Variants in GRM8 observed in about 807,000 individuals in gnomAD.
GRM8 encodes the protein metabotropic glutamate receptor 8.
GRM8 carries 47 observed loss-of-function variants against 87.2 expected under a neutral mutation model. The observed-to-expected ratio is 0.54, with a 90% CI of 0.43 to 0.69. GRM8 has a LOEUF of 0.69. GRM8 is among the 30% of genes least tolerant of loss of function. GRM8 has a pLI of 0.00. For missense variants in GRM8, 1,019 were observed against 1,139.2 expected (o/e 0.89, Z 1.52); for synonymous variants, 396 against 404.5 (o/e 0.98, Z 0.25).
chr7:126,705,924 G>T (rs1810467524), intron 7 of GRM8, among the ~76,000 whole-genome samples: 1 of 152,000 alleles, frequency 6.6e-6, no homozygotes, highest in Admixed American at 6.6e-5. Context: ...GTTATGGGCT[G>T]TCTGGTTTGT....
chr7:126,510,227 T>C (rs996571904), intron 9 of GRM8, among the ~76,000 whole-genome samples: 1 of 149,192 alleles, frequency 6.7e-6, no homozygotes, highest in Admixed American at 6.7e-5. Context: ...TAAAAAAGTA[T>C]ACAAATGACA....
intron 9 of GRM8, among the ~76,000 whole-genome samples, chr7:126,472,858 G>A (rs1003034060): frequency 6.6e-6 from 1 of 152,196 alleles, no homozygotes; most frequent in Non-Finnish European, 1.5e-5. Context: ...AGGGTCCAAT[G>A]TACAGCTCAG....
chr7:126,837,502 T>A (rs1278999780), intron 6 of GRM8, among the ~76,000 whole-genome samples: 1 of 152,202 alleles, frequency 6.6e-6, no homozygotes, highest in Non-Finnish European at 1.5e-5. Context: ...CATTCATGAG[T>A]GGACTTACTG....
intron 3 of GRM8, among the ~76,000 whole-genome samples, chr7:126,983,432 C>T (rs1020810653): frequency 6.6e-6 from 1 of 152,088 alleles, no homozygotes; most frequent in Non-Finnish European, 1.5e-5. Context: ...TACGGTACTG[C>T]TTTTCCCATA....
chr7:126,792,652 C>G (rs897092818), intron 6 of GRM8, among the ~76,000 whole-genome samples: 1 of 152,196 alleles, frequency 6.6e-6, no homozygotes, highest in African/African-American at 2.4e-5. Flanking sequence ...TCTACAGTTC[C>G]AGAAAATAAA....
At chr7:126,841,018 A>G in intron 6 of GRM8, among the ~76,000 whole-genome samples, 1 of 152,274 alleles carries the variant, frequency 6.6e-6, no homozygotes, top group East Asian at 1.9e-4. Context: ...AGAATAATGC[A>G]TGCATTGGCA....
chr7:126,823,191 C>T lies in GRM8; in HGVS notation c.1157-53126G>A, dbSNP rs1454973439. On this transcript the variant is annotated intron_variant, in intron 6 of 10. Coordinates refer to ENST00000339582, the MANE Select transcript of GRM8 (RefSeq NM_000845.3). ...TGATAGTCACATCATATAACTGACA[C>T]ATAAGCTGACCACAAAAGAAAAGCT... Among the ~76,000 whole-genome samples, 3 of 152,210 alleles carry T rather than the reference C, an allele frequency of 2.0e-5. No homozygotes were observed. In the East Asian group the frequency reaches 5.8e-4, roughly 29 times the overall value.
intron 9 of GRM8, among the ~76,000 whole-genome samples, chr7:126,505,307 AC>A (rs1810282309): frequency 6.6e-6 from 1 of 152,060 alleles, no homozygotes; most frequent in Admixed American, 6.6e-5. Flanking sequence ...CCAAGTTAAT[AC>A]CTTAAGTATC....
At chr7:126,469,089 A>C (rs1399469619) in intron 9 of GRM8, among the ~76,000 whole-genome samples, 1 of 152,096 alleles carries the variant, frequency 6.6e-6, no homozygotes, top group Non-Finnish European at 1.5e-5. Flanking sequence ...CTTGTGCATA[A>C]GTTCCCATCT....
chr7:126,498,832 G>T (rs376240860), intron 9 of GRM8, among the ~76,000 whole-genome samples: 15 of 151,844 alleles, frequency 9.9e-5, no homozygotes, highest in African/African-American at 3.1e-4. Context: ...TTGATTATGG[G>T]TCATAAATTA....
intron 9 of GRM8, among the ~76,000 whole-genome samples, chr7:126,510,338 T>C (rs1584883889): frequency 1.3e-5 from 2 of 151,752 alleles, no homozygotes; most frequent in Middle Eastern, 3.4e-3. Context: ...AGAGTTGATA[T>C]GGCTTCCAAA....
At chr7:127,082,504 C>A (rs192741455) in intron 3 of GRM8, among the ~76,000 whole-genome samples, 629 of 152,236 alleles carry the variant, frequency 4.1e-3, no homozygotes, top group Non-Finnish European at 6.4e-3. Flanking sequence ...TCAATGATAC[C>A]AGGAAATAAT....
At chr7:126,841,326 C>T (rs1029542852) in intron 6 of GRM8, among the ~76,000 whole-genome samples, 1 of 152,092 alleles carries the variant, frequency 6.6e-6, no homozygotes, top group Non-Finnish European at 1.5e-5. Flanking sequence ...TCAGCTTTAC[C>T]TACATTTCTG....
intron 7 of GRM8, among the ~76,000 whole-genome samples, chr7:126,741,235 C>CGTGT (rs60863646): frequency 2.2e-4 from 33 of 150,274 alleles, no homozygotes; most frequent in African/African-American, 7.3e-4. Context: ...TGTGTGCGTA[C>CGTGT]GTGTGTGTGT....
chr7:126,724,262 G>A (rs1239907471), intron 7 of GRM8, among the ~76,000 whole-genome samples: 3 of 152,090 alleles, frequency 2.0e-5, no homozygotes, highest in Non-Finnish European at 4.4e-5. Context: ...GTAGTTAAGC[G>A]CAGGCCTGAG....
chr7:126,963,494 T>C (rs1286412261), intron 3 of GRM8, among the ~76,000 whole-genome samples: 5 of 152,166 alleles, frequency 3.3e-5, no homozygotes, highest in Non-Finnish European at 5.9e-5. Context: ...ACAAAATCAA[T>C]GTGCAAAAGT....
intron 7 of GRM8, among the ~76,000 whole-genome samples, chr7:126,642,055 G>A (rs1189936423): frequency 2.0e-5 from 3 of 152,158 alleles, no homozygotes; most frequent in Non-Finnish European, 4.4e-5. Flanking sequence ...ATATTGGGTA[G>A]GCACTAGCAT....
chr7:127,129,775 T>C (rs958691766), intron 2 of GRM8, among the ~76,000 whole-genome samples: 4 of 152,170 alleles, frequency 2.6e-5, no homozygotes, highest in Non-Finnish European at 4.4e-5. Context: ...CCTAGAAAAC[T>C]AATACATGGG....
intron 3 of GRM8, among the ~76,000 whole-genome samples, chr7:126,924,962 A>C (rs1452597768): frequency 6.6e-6 from 1 of 152,176 alleles, no homozygotes; most frequent in African/African-American, 2.4e-5. Flanking sequence ...CAGGAGAAAA[A>C]CAGGCAAAGA....
Sources: allele counts gnomAD v4.1 joint callset (sites outside exome capture counted in the v4.1 genomes callset), GRCh38; gene constraint gnomAD v4.1.1; transcripts MANE v1.5; gene names NCBI Gene and HGNC (gene_info 2026-07-23, HGNC 2026-07-21).